TRARG1: variants seen among roughly 807,000 people sequenced by gnomAD.
TRARG1 encodes trafficking regulator of GLUT4 1.
A neutral mutation model predicts 13.3 loss-of-function variants in TRARG1; 16 were observed. The observed-to-expected ratio is 1.20, with a 90% CI of 0.81 to 1.83. The LOEUF is 1.83. Ranked by LOEUF, TRARG1 falls within the 40% of genes most tolerant of loss-of-function variation. The probability of loss-of-function intolerance (pLI) is 0.00; values close to 1 mark genes in which losing one functional copy is unlikely to be tolerated. For synonymous variants in TRARG1, 113 were observed against 106.2 expected (o/e 1.06, Z -0.39); for missense variants, 250 against 237.4 (o/e 1.05, Z -0.35).
chr17:1,294,466 G>GTTTTTT (rs2072096197), intron 1 of TRARG1, among the ~76,000 whole-genome samples: 6 of 73,878 alleles, frequency 8.1e-5, no homozygotes, highest in Admixed American at 3.4e-4. Context: ...TGAAGACAGT[G>GTTTTTT]TCTTTTTTTT....
intron 1 of TRARG1, among the ~76,000 whole-genome samples, chr17:1,291,700 C>A (rs2072070691): frequency 6.6e-6 from 1 of 152,136 alleles, no homozygotes; most frequent in Admixed American, 6.6e-5. Flanking sequence ...TCAAAGAGTG[C>A]CAGCGTTGTT....
At position 1,280,248 on chromosome 17, in the gene TRARG1, T is replaced by G; in HGVS notation, c.247T>G (p.Ser83Ala). Reference sequence around the variant, plus strand: ...GCCTCGGTCCCCCTCCCGGGCCAGCTCAAGGAGGGCGTCCTCCATCGCCAC... The same window carrying G: ...GCCTCGGTCCCCCTCCCGGGCCAGCGCAAGGAGGGCGTCCTCCATCGCCAC... ...PLPRSPSRAS[S>A]RRASSIATTS... The change falls in exon 1 of 3, where the codon TCA (serine) becomes GCA (alanine). Residue 83 changes from serine (S) to alanine (A), a missense_variant. Physicochemically the swap from Ser to Ala is moderately conservative, Grantham distance 99. Transcript: ENST00000333813. 1 of 1,613,986 alleles carries G rather than the reference T, an allele frequency of 6.2e-7. No homozygotes were observed. Among genetic ancestry groups the G allele is most frequent in the Non-Finnish European group, 8.5e-7 (1 of 1,179,980 alleles).
At chr17:1,281,820 G>T (rs896730783) in intron 1 of TRARG1, among the ~76,000 whole-genome samples, 4 of 151,988 alleles carry the variant, frequency 2.6e-5, no homozygotes, top group Non-Finnish European at 1.5e-5. Flanking sequence ...CCATCTCCTG[G>T]TGGGGTGGCA....
At chr17:1,282,252 G>GCACA (rs1415945225) in intron 1 of TRARG1, among the ~76,000 whole-genome samples, 9 of 118,518 alleles carry the variant, frequency 7.6e-5, no homozygotes, top group Non-Finnish European at 1.6e-4. Context: ...GCACGTATAT[G>GCACA]TACGTATATG....
At chr17:1,295,145 T>C (rs1381390574) in intron 1 of TRARG1, among the ~76,000 whole-genome samples, 1 of 152,156 alleles carries the variant, frequency 6.6e-6, no homozygotes, top group Non-Finnish European at 1.5e-5. Flanking sequence ...GCCTGTCTGT[T>C]CTTGCCAGTT....
intron 1 of TRARG1, among the ~76,000 whole-genome samples, chr17:1,292,149 C>T (rs938083475): frequency 6.6e-6 from 1 of 151,960 alleles, no homozygotes; most frequent in Non-Finnish European, 1.5e-5. Context: ...GCCTGGGCAA[C>T]AAGAGCAAAA....
At chr17:1,295,988 C>T (rs1440331442) in intron 2 of TRARG1, among the ~76,000 whole-genome samples, 1 of 152,142 alleles carries the variant, frequency 6.6e-6, no homozygotes, top group African/African-American at 2.4e-5. Context: ...CAGGAAAGAG[C>T]CTCCAGCAGA....
At chr17:1,296,206 T>C (rs1771809466) in intron 2 of TRARG1, among the ~76,000 whole-genome samples, 1 of 152,198 alleles carries the variant, frequency 6.6e-6, no homozygotes, top group African/African-American at 2.4e-5. Context: ...TTAATTAACT[T>C]TATTTTTGAG....
intron 1 of TRARG1, among the ~76,000 whole-genome samples, chr17:1,282,504 G>A (rs548079135): frequency 6.6e-6 from 1 of 151,280 alleles, no homozygotes; most frequent in South Asian, 2.1e-4. Flanking sequence ...CTGAGTAGCT[G>A]GGATTACAGG....
At chr17:1,281,625 C>T (rs964720196) in intron 1 of TRARG1, among the ~76,000 whole-genome samples, 4 of 152,136 alleles carry the variant, frequency 2.6e-5, no homozygotes, top group Admixed American at 6.5e-5. Flanking sequence ...AGGGGCCTTC[C>T]GGGCAGCTCT....
rs1567934210 is a variant in TRARG1 at position 1,298,449 on chromosome 17, GA to G, written c.*186del. 3.4e-6 allele frequency: 2 copies of G among 595,564 alleles called. No homozygotes were observed. Among genetic ancestry groups the G allele is most frequent in the African/African-American group, 3.7e-5 (2 of 53,732 alleles). The allele number at this position is 595,564 out of a possible 1,614,324, so 36.9% of individuals were successfully genotyped here. ...AGCCCCCATCTGACAAGAAAGCCTG[GA>G]GCGAGGAAGGAAAGCACAGCGAACC... On this transcript the variant is annotated 3_prime_UTR_variant, in exon 3 of 3. Transcript: ENST00000333813.
At chr17:1,280,418 G>A in intron 1 of TRARG1, 30 bp downstream of exon 1, 4 of 1,540,872 alleles carry the variant, frequency 2.6e-6, no homozygotes, top group Non-Finnish European at 3.5e-6. Flanking sequence ...CCAGGGGCAG[G>A]GGCTGGGCCC....
At chr17:1,295,424 G>GC (rs1239030765) in intron 1 of TRARG1, 67 bp from the exon 2 acceptor site, 1 of 1,526,676 alleles carries the variant, frequency 6.6e-7, no homozygotes, top group Non-Finnish European at 8.8e-7. Context: ...AGGGCTGCCT[G>GC]CTGAGGCCCA....
intron 1 of TRARG1, among the ~76,000 whole-genome samples, chr17:1,286,410 G>A (rs972508022): frequency 7.4e-6 from 1 of 135,030 alleles, no homozygotes; most frequent in Non-Finnish European, 1.5e-5. Flanking sequence ...CGGCCTGCGG[G>A]TTGTTATCAG....
At chr17:1,281,554 G>A (rs553940685) in intron 1 of TRARG1, among the ~76,000 whole-genome samples, 30 of 152,260 alleles carry the variant, frequency 2.0e-4, no homozygotes, top group Non-Finnish European at 3.2e-4. Context: ...GACATCAGGG[G>A]GCACTGGCAG....
chr17:1,283,427 C>T (rs926499206), intron 1 of TRARG1, among the ~76,000 whole-genome samples: 3 of 152,182 alleles, frequency 2.0e-5, no homozygotes, highest in Non-Finnish European at 4.4e-5. Flanking sequence ...ACTCACATAC[C>T]ATATGATGCA....
chr17:1,297,363 G>T (rs1382266160), intron 2 of TRARG1, among the ~76,000 whole-genome samples: 1 of 152,138 alleles, frequency 6.6e-6, no homozygotes, highest in African/African-American at 2.4e-5. Context: ...GGCCACTTAG[G>T]AGAGGGAAGC....
rs1252118787 is a variant in TRARG1, at chr17:1,299,709, C to G, written c.*1445C>G. On this transcript the variant is annotated 3_prime_UTR_variant, in exon 3 of 3. Transcript: ENST00000333813. ...TCCAGGCTTTCCTGCCCTGGGCAGC[C>G]CCACCTCACAGCCAGAGTCAATGCC... 1 of 152,388 alleles carries G rather than the reference C, an allele frequency of 6.6e-6. No individual in the cohort carries two copies. The highest frequency in any genetic ancestry group is 6.5e-5 in the Admixed American group (1 of 15,278). The allele number at this position is 152,388 out of a possible 1,614,324, so 9.4% of individuals were successfully genotyped here.
chr17:1,296,219 G>A (rs1423639643), intron 2 of TRARG1, among the ~76,000 whole-genome samples: 1 of 152,122 alleles, frequency 6.6e-6, no homozygotes, highest in Non-Finnish European at 1.5e-5. Context: ...TTTTTGAGAT[G>A]GAGTTTCACT....
Sources: allele counts gnomAD v4.1 joint callset (sites outside exome capture counted in the v4.1 genomes callset), GRCh38; gene constraint gnomAD v4.1.1; transcripts MANE v1.5; gene names NCBI Gene and HGNC (gene_info 2026-07-23, HGNC 2026-07-21).